GRB14: variants seen among roughly 807,000 people sequenced by gnomAD.
GRB14 encodes growth factor receptor bound protein 14.
GRB14 carries 38 observed loss-of-function variants against 69.1 expected under a neutral mutation model. The ratio of observed to expected loss-of-function variants is 0.55; its 90% CI spans 0.42 to 0.72. GRB14 has a LOEUF of 0.72. GRB14 is among the 30% of genes least tolerant of loss of function. The pLI is 0.00. For synonymous variants in GRB14, 247 were observed against 241.3 expected (o/e 1.02, Z -0.22); for missense variants, 666 against 666.1 (o/e 1.00, Z 0.00).
intron 2 of GRB14, among the ~76,000 whole-genome samples, chr2:164,593,045 A>T (rs1689704849): frequency 6.6e-6 from 1 of 152,230 alleles, no homozygotes; most frequent in African/African-American, 2.4e-5. Flanking sequence ...TGTACTTCTT[A>T]AAGTGCTTTC....
chr2:164,499,331 C>A (rs1220572356), intron 9 of GRB14, among the ~76,000 whole-genome samples: 1 of 152,056 alleles, frequency 6.6e-6, no homozygotes. Flanking sequence ...AAATAAGGAA[C>A]GTTTTCATTT....
intron 1 of GRB14, 196 bp from the exon 2 acceptor site, chr2:164,620,015 TCTC>T (rs1690408876): frequency 6.1e-6 from 2 of 326,668 alleles, no homozygotes; most frequent in Non-Finnish European, 1.1e-5. Context: ...TACAAACAAA[TCTC>T]CTATAGTTCC....
At chr2:164,524,958 C>A (rs1170652097) in intron 5 of GRB14, 46 bp downstream of exon 5, 1 of 1,056,686 alleles carries the variant, frequency 9.5e-7, no homozygotes, top group Non-Finnish European at 1.4e-6. Flanking sequence ...AAAAGTTTTC[C>A]TTCATTATGC....
At chr2:164,526,897 GTCT>G (rs1687786807) in intron 4 of GRB14, 114 bp downstream of exon 4, 2 of 540,244 alleles carry the variant, frequency 3.7e-6, no homozygotes, top group African/African-American at 3.9e-5. Flanking sequence ...AAGGACCAGA[GTCT>G]TCATCTACAA....
chr2:164,493,245 C>A, intron 13 of GRB14, 63 bp from the exon 14 acceptor site: 3 of 1,456,096 alleles, frequency 2.1e-6, no homozygotes, highest in African/African-American at 1.4e-5. Context: ...CAATCATATT[C>A]GATTGCAAAC....
intron 2 of GRB14, among the ~76,000 whole-genome samples, chr2:164,549,100 C>T (rs979398800): frequency 6.6e-6 from 1 of 152,002 alleles, no homozygotes; most frequent in Non-Finnish European, 1.5e-5. Flanking sequence ...AGGCTGGTCT[C>T]GAACTCTGAC....
intron 2 of GRB14, among the ~76,000 whole-genome samples, chr2:164,614,797 T>C (rs1354173401): frequency 6.6e-6 from 1 of 152,226 alleles, no homozygotes. Flanking sequence ...ACAAGATTCC[T>C]ATAGGACCAC....
In GRB14 at chr2:164,621,049, G is replaced by C; in HGVS notation, c.191+70C>G. The C allele has an allele frequency of 8.3e-7, 1 of 1,209,014 alleles. No homozygotes were observed. The highest frequency in any genetic ancestry group is 1.0e-6 in the Non-Finnish European group (1 of 956,842). The allele number at this position is 1,209,014 out of a possible 1,614,324, so 74.9% of individuals were successfully genotyped here. On this transcript the variant is annotated intron_variant, in intron 1 of 13. Coordinates refer to ENST00000263915, the MANE Select transcript of GRB14 (RefSeq NM_004490.3). The surrounding 1 kb of genome is among the most constrained non-coding windows in gnomAD (Gnocchi z 6.0). ...CTCTGGGCACATGGCTCACCCCCTA[G>C]GACCGCCTCCTCACCCCCTCGCCGG... is the stretch of plus-strand genomic sequence containing the variant.
chr2:164,536,576 A>T (rs1439213158), intron 3 of GRB14, among the ~76,000 whole-genome samples: 2 of 152,116 alleles, frequency 1.3e-5, no homozygotes, highest in African/African-American at 4.8e-5. Context: ...CTTGCTCTAT[A>T]TGAGTGTATG....
chr2:164,550,885 A>AT (rs1203921696), intron 2 of GRB14, among the ~76,000 whole-genome samples: 11 of 152,158 alleles, frequency 7.2e-5, no homozygotes, highest in African/African-American at 2.7e-4. Context: ...TCCTCTTCTG[A>AT]TAGATAGATA....
chr2:164,574,587 C>T (rs1259674588), intron 2 of GRB14, among the ~76,000 whole-genome samples: 1 of 151,974 alleles, frequency 6.6e-6, no homozygotes, highest in African/African-American at 2.4e-5. Context: ...GAAATCCGCA[C>T]AGAAGAAAAC....
At chr2:164,590,575 AT>A (rs1689637899) in intron 2 of GRB14, among the ~76,000 whole-genome samples, 1 of 152,232 alleles carries the variant, frequency 6.6e-6, no homozygotes, top group Non-Finnish European at 1.5e-5. Context: ...TGAAGCCATT[AT>A]TCAGATTATA....
At chr2:164,540,932 A>G (rs1220825510) in intron 3 of GRB14, among the ~76,000 whole-genome samples, 2 of 152,220 alleles carry the variant, frequency 1.3e-5, no homozygotes, top group Non-Finnish European at 2.9e-5. Context: ...CTGTAAAATG[A>G]CAAGTAAAAA....
At chr2:164,557,352 G>A (rs958512502) in intron 2 of GRB14, among the ~76,000 whole-genome samples, 3 of 152,102 alleles carry the variant, frequency 2.0e-5, no homozygotes, top group African/African-American at 4.8e-5. Flanking sequence ...CACCACAATA[G>A]GAAATGCTTT....
At chr2:164,619,389 C>A (rs1430845191) in intron 2 of GRB14, among the ~76,000 whole-genome samples, 3 of 152,186 alleles carry the variant, frequency 2.0e-5, no homozygotes, top group East Asian at 1.9e-4. Context: ...TAAAAATGAT[C>A]ATCTCTTCTA....
intron 9 of GRB14, among the ~76,000 whole-genome samples, chr2:164,501,078 T>C (rs1687038648): frequency 6.6e-6 from 1 of 152,074 alleles, no homozygotes; most frequent in African/African-American, 2.4e-5. Flanking sequence ...ACATATGAAT[T>C]GAAAGATAAG....
chr2:164,595,952 T>C (rs536784657), intron 2 of GRB14, among the ~76,000 whole-genome samples: 63 of 152,180 alleles, frequency 4.1e-4, no homozygotes, highest in African/African-American at 1.4e-3. Flanking sequence ...GGTGAAACCC[T>C]GTCTCTACTA....
intron 9 of GRB14, among the ~76,000 whole-genome samples, chr2:164,500,070 T>C (rs886860301): frequency 1.3e-5 from 2 of 152,122 alleles, no homozygotes; most frequent in Admixed American, 1.3e-4. Context: ...AATTGCAGTT[T>C]AGAATGTCTA....
intron 8 of GRB14, among the ~76,000 whole-genome samples, chr2:164,505,278 A>G (rs181489663): frequency 6.6e-5 from 10 of 152,322 alleles, no homozygotes; most frequent in Admixed American, 4.6e-4. Flanking sequence ...TATTCCAGAA[A>G]ATAAGCCTCA....
Sources: allele counts gnomAD v4.1 joint callset (sites outside exome capture counted in the v4.1 genomes callset), GRCh38; gene constraint gnomAD v4.1.1; non-coding constraint Gnocchi (gnomAD v3.1); transcripts MANE v1.5; gene names NCBI Gene and HGNC (gene_info 2026-07-23, HGNC 2026-07-21).